Variants in EXTL3 observed in about 807,000 individuals in gnomAD.
The protein encoded by EXTL3 is exostosin like glycosyltransferase 3.
EXTL3 carries 27 observed loss-of-function variants against 69.3 expected under a neutral mutation model. The observed-to-expected ratio is 0.39, with a 90% CI of 0.29 to 0.54. EXTL3 has a LOEUF of 0.54. EXTL3 is among the 20% of genes least tolerant of loss of function. EXTL3 has a pLI of 0.69. For synonymous variants in EXTL3, 511 were observed against 499.4 expected, an observed-to-expected ratio of 1.02 and a Z score of -0.31; for missense variants, 1,003 against 1,231.8, an observed-to-expected ratio of 0.81 and a Z score of 2.78.
chr8:28,609,178 G>A (rs750158844), intron 2 of EXTL3, among the ~76,000 whole-genome samples: 1 of 152,112 alleles, frequency 6.6e-6, no homozygotes, highest in Non-Finnish European at 1.5e-5. Context: ...AGTGAACAGA[G>A]AGTGGGTACA....
At chr8:28,651,933 G>T (rs530019844) in intron 1 of EXTL3, among the ~76,000 whole-genome samples, 1 of 152,202 alleles carries the variant, frequency 6.6e-6, no homozygotes, top group African/African-American at 2.4e-5. Flanking sequence ...TGGTCCTTTT[G>T]TGTCTAGCCT....
At chr8:28,631,664 C>T (rs1047568438) in intron 1 of EXTL3, 2 of 152,166 alleles carry the variant, frequency 1.3e-5, no homozygotes, top group Non-Finnish European at 2.9e-5. Context: ...TTCAGATAAA[C>T]TAAACAGGAG....
chr8:28,701,480 C>A (rs886720618), upstream of EXTL3: 1 of 152,148 alleles, frequency 6.6e-6, no homozygotes, highest in African/African-American at 2.4e-5. Flanking sequence ...CCATTTCCGG[C>A]GCGGCGCCCT....
intron 1 of EXTL3, among the ~76,000 whole-genome samples, chr8:28,636,481 G>A (rs1806657845): frequency 6.6e-6 from 1 of 152,116 alleles, no homozygotes; most frequent in South Asian, 2.1e-4. Flanking sequence ...ATAGCCTCTT[G>A]GTATCTGCTC....
chr8:28,737,652 T>TTC lies in EXTL3; in HGVS notation c.2412_2413dup (p.Phe805SerfsTer13). The TTC allele has an allele frequency of 6.2e-7, 1 of 1,614,194 alleles. No homozygotes were observed. The highest frequency in any genetic ancestry group is 8.5e-7 in the Non-Finnish European group (1 of 1,179,994). ...GTCCATGGTGCTGACAGGTGCTGCC[T>TTC]TCTTTCACAAGGTAAGAAAAAGCTG... is the stretch of plus-strand genomic sequence containing the variant. On this transcript the variant is annotated frameshift_variant, in exon 5 of 7. Transcript: ENST00000220562. LOFTEE classifies it high-confidence loss of function.
chr8:28,663,223 G>C (rs1286584225), intron 1 of EXTL3, among the ~76,000 whole-genome samples: 3 of 152,172 alleles, frequency 2.0e-5, no homozygotes, highest in Non-Finnish European at 2.9e-5. Flanking sequence ...ATTGGGTTTG[G>C]TGCCCCAGGA....
At position 28,623,391 on chromosome 8, in the gene EXTL3, T is replaced by C. The variant is rs1048086039; in HGVS notation, c.-53+581T>C. ...GCGAGCCCCTCAGCACAGCTGACTT[T>C]AATTTGGGATCCCACAATTTGAGCT... On this transcript the variant is annotated intron_variant, in intron 1 of 6. Coordinates refer to the EXTL3 transcript ENST00000523149. The surrounding 1 kb of genome is among the most constrained non-coding windows in gnomAD (Gnocchi z 4.2). Among the ~76,000 whole-genome samples the C allele has an allele frequency of 8.5e-5, 13 of 152,220 alleles. No individual in the cohort carries two copies. Among genetic ancestry groups the C allele is most frequent in the African/African-American group, 2.9e-4 (12 of 41,458 alleles).
Position 28,716,027 on chromosome 8 carries a change from G to A in EXTL3, c.-33G>A, listed in dbSNP as rs1170347388. 7.7e-6 allele frequency: 12 copies of A among 1,560,318 alleles called. No individual in the cohort carries two copies. Among genetic ancestry groups the A allele is most frequent in the African/African-American group, 5.4e-5 (4 of 74,324 alleles). On this transcript the variant is annotated 5_prime_UTR_variant, in exon 3 of 7. Coordinates refer to ENST00000220562, the MANE Select transcript of EXTL3 (RefSeq NM_001440.4). The surrounding 1 kb of genome is among the most constrained non-coding windows in gnomAD (Gnocchi z 7.1). Reference sequence around the variant, plus strand: ...AACCCATGGTTATGGCGAGTGACCCGACGTGATCTGGGGGGCAGGCTGCAG... The same window carrying A: ...AACCCATGGTTATGGCGAGTGACCCAACGTGATCTGGGGGGCAGGCTGCAG...
intron 3 of EXTL3, among the ~76,000 whole-genome samples, chr8:28,721,849 A>T (rs1801298092): frequency 1.3e-5 from 2 of 152,110 alleles, no homozygotes; most frequent in Non-Finnish European, 2.9e-5. Context: ...GTCCTTTTGG[A>T]GTTGTAACAT....
chr8:28,727,623 AAC>A (rs1405109313), intron 3 of EXTL3, among the ~76,000 whole-genome samples: 7 of 152,198 alleles, frequency 4.6e-5, no homozygotes, highest in Non-Finnish European at 4.4e-5. Flanking sequence ...AGATTTTGCA[AAC>A]AGTGTGGTGC....
chr8:28,679,235 C>T (rs1292628383), intron 1 of EXTL3, among the ~76,000 whole-genome samples: 1 of 152,068 alleles, frequency 6.6e-6, no homozygotes, highest in African/African-American at 2.4e-5. Flanking sequence ...ATCACGAGGT[C>T]AAGAGATCGA....
At position 28,623,213 on chromosome 8, in the gene EXTL3, G is replaced by A. The variant is rs1256130281; in HGVS notation, c.-53+403G>A. ...CCCTGCTGCCTCGGGTACGGGGTAAGCGGCATCTGCCACGCGCCCGCCTCG... is the reference window on the plus strand; with the variant it reads ...CCCTGCTGCCTCGGGTACGGGGTAAACGGCATCTGCCACGCGCCCGCCTCG... On this transcript the variant is annotated intron_variant, in intron 1 of 6. Transcript: ENST00000523149. The surrounding 1 kb of genome is among the most constrained non-coding windows in gnomAD (Gnocchi z 4.2). Among the ~76,000 whole-genome samples, 2 of 152,176 alleles carry A rather than the reference G, an allele frequency of 1.3e-5. No homozygotes were observed. Among genetic ancestry groups the A allele is most frequent in the Non-Finnish European group, 2.9e-5 (2 of 68,024 alleles).
chr8:28,680,722 C>G (rs1807474925), intron 1 of EXTL3, among the ~76,000 whole-genome samples: 1 of 152,158 alleles, frequency 6.6e-6, no homozygotes, highest in Non-Finnish European at 1.5e-5. Context: ...CCCCATACCC[C>G]CAGTCCTCAC....
At position 28,719,451 on chromosome 8, in the gene EXTL3, C is replaced by G. The variant is rs116038001; in HGVS notation, c.2148+1244C>G. On this transcript the variant is annotated intron_variant, in intron 3 of 6. Transcript: ENST00000220562. ...CACTCATAAAGGCTTCTTGTATCCT[C>G]TCTACATCATTTCTGTTTGTGTCAT... Among the ~76,000 whole-genome samples, 503 of 152,334 alleles carry G rather than the reference C, an allele frequency of 3.3e-3. 4 individuals carry two copies. Among genetic ancestry groups the G allele is most frequent in the African/African-American group, 0.012 (485 of 41,576 alleles).
intron 4 of EXTL3, among the ~76,000 whole-genome samples, chr8:28,736,389 A>C (rs1801652776): frequency 1.3e-5 from 2 of 152,232 alleles, no homozygotes; most frequent in Admixed American, 1.3e-4. Flanking sequence ...GCCTTTCTGC[A>C]GGCCTGTCAG....
intron 3 of EXTL3, among the ~76,000 whole-genome samples, chr8:28,725,630 G>A (rs1226883042): frequency 6.6e-6 from 1 of 152,024 alleles, no homozygotes; most frequent in Non-Finnish European, 1.5e-5. Flanking sequence ...ATATTGCCAG[G>A]CACTGTGGTC....
At chr8:28,712,517 TAAAA>T (rs987782344) in intron 1 of EXTL3, among the ~76,000 whole-genome samples, 2 of 152,104 alleles carry the variant, frequency 1.3e-5, no homozygotes, top group Non-Finnish European at 1.5e-5. Flanking sequence ...GTATATGGAA[TAAAA>T]AAAATCTGAA....
At position 28,715,950 on chromosome 8, in the gene EXTL3, C is replaced by T. The variant is rs1287300040; in HGVS notation, c.-110C>T. Reference sequence around the variant, plus strand: ...TTTGGTGCCTTGTCTGGGGAGCACACTAACTCTTCTGGAAACGTGTCAGTG... The same window carrying T: ...TTTGGTGCCTTGTCTGGGGAGCACATTAACTCTTCTGGAAACGTGTCAGTG... On this transcript the variant is annotated 5_prime_UTR_variant, in exon 3 of 7. Coordinates refer to ENST00000220562, the MANE Select transcript of EXTL3 (RefSeq NM_001440.4). 1.2e-5 allele frequency: 11 copies of T among 884,442 alleles called. No individual in the cohort carries two copies. The highest frequency in any genetic ancestry group is 1.6e-5 in the Non-Finnish European group (9 of 567,876). 54.8% of individuals were successfully genotyped at this position (884,442 alleles called of 1,614,324 possible). A position where few individuals can be genotyped will look rare whatever the true frequency, so the allele number is the denominator to read the frequency against.
At chr8:28,641,104 G>A (rs1436861638) in intron 1 of EXTL3, among the ~76,000 whole-genome samples, 1 of 152,104 alleles carries the variant, frequency 6.6e-6, no homozygotes, top group African/African-American at 2.4e-5. Context: ...TCCACGGGTC[G>A]GGTTAATACC....
Sources: gnomAD v4.1 joint callset for allele counts (sites outside exome capture counted in the v4.1 genomes callset) on GRCh38, gnomAD v4.1.1 for gene constraint, Gnocchi (gnomAD v3.1) non-coding constraint, MANE v1.5 for transcripts, NCBI Gene and HGNC (gene_info 2026-07-23, HGNC 2026-07-21) for gene names.